CTNNA1: variants seen among roughly 807,000 people sequenced by gnomAD.
CTNNA1 encodes the protein catenin alpha-1.
A neutral mutation model predicts 98.4 loss-of-function variants in CTNNA1; 37 were observed. The observed-to-expected ratio is 0.38, with a 90% confidence interval of 0.29 to 0.49. CTNNA1 has a LOEUF of 0.49. CTNNA1 is among the 20% of genes least tolerant of loss of function. CTNNA1 has a pLI of 0.95. For missense variants in CTNNA1, 761 were observed against 1,147.2 expected (o/e 0.66, Z 4.86); for synonymous variants, 404 against 413.2 (o/e 0.98, Z 0.27).
rs756586452 is a variant in CTNNA1 at position 138,825,482 on chromosome 5, G to GTT, written c.858+698_858+699dup. On this transcript the variant is annotated intron_variant, in intron 6 of 17. Coordinates refer to ENST00000302763, the MANE Select transcript of CTNNA1 (RefSeq NM_001903.5). ...CTTCCAGTAGATGGCAGCAGTATAA[G>GTT]TTTTTTTTTTTTTTTTAGGGCTTTA... Among the ~76,000 whole-genome samples the GTT allele has an allele frequency of 5.8e-4, 43 of 74,116 alleles. 1 individual carries two copies. Among genetic ancestry groups the GTT allele is most frequent in the African/African-American group, 1.9e-3 (33 of 17,296 alleles). The allele number at this position is 74,116 out of a possible 152,430, so 48.6% of individuals were successfully genotyped here.
chr5:138,783,594 T>C (rs1162490183), intron 3 of CTNNA1, among the ~76,000 whole-genome samples: 1 of 152,242 alleles, frequency 6.6e-6, no homozygotes, highest in Non-Finnish European at 1.5e-5. Context: ...ATGTATTAAG[T>C]TGGACTGGCT....
chr5:138,897,622 A>T (rs1757167279), intron 9 of CTNNA1, among the ~76,000 whole-genome samples: 1 of 152,242 alleles, frequency 6.6e-6, no homozygotes, highest in African/African-American at 2.4e-5. Context: ...TTTTCACGAG[A>T]GAAGTTAGCT....
At chr5:138,799,857 G>GT (rs1757369461) in intron 3 of CTNNA1, among the ~76,000 whole-genome samples, 3 of 149,024 alleles carry the variant, frequency 2.0e-5, no homozygotes, top group Non-Finnish European at 4.4e-5. Flanking sequence ...AGTAGATGTA[G>GT]ATGTATGTAT....
rs768694121 is a variant in CTNNA1 at position 138,873,339 on chromosome 5, C to G, written c.1063-12873C>G. On this transcript the variant is annotated intron_variant, in intron 7 of 17. Coordinates refer to ENST00000302763, the MANE Select transcript of CTNNA1 (RefSeq NM_001903.5). This position sits in a 1 kb window ranked among gnomAD's most constrained non-coding sequence, Gnocchi z 6.1. ...TTGTCTGGTTCAGGAAAGTGTTCCTCGGTAGTAACTGCTATGCCTGCAGTA... is the reference window on the plus strand; with the variant it reads ...TTGTCTGGTTCAGGAAAGTGTTCCTGGGTAGTAACTGCTATGCCTGCAGTA... 6.2e-7 allele frequency: 1 copy of G among 1,614,028 alleles called. No individual in the cohort carries two copies. The highest frequency in any genetic ancestry group is 8.5e-7 in the Non-Finnish European group (1 of 1,179,880).
At chr5:138,805,069 G>T (rs775699091) in intron 3 of CTNNA1, among the ~76,000 whole-genome samples, 48 of 152,086 alleles carry the variant, frequency 3.2e-4, no homozygotes, top group Non-Finnish European at 4.6e-4. Flanking sequence ...AAGAGAGGGG[G>T]TGGGAGAGGT....
chr5:138,895,506 G>C (rs553353907), intron 9 of CTNNA1, among the ~76,000 whole-genome samples: 26 of 151,672 alleles, frequency 1.7e-4, no homozygotes, highest in African/African-American at 5.6e-4. Flanking sequence ...AGTTTTTTGG[G>C]GGGGGGGATG....
At chr5:138,870,168 A>G (rs1765210329) in intron 7 of CTNNA1, 1 of 152,252 alleles carries the variant, frequency 6.6e-6, no homozygotes, top group African/African-American at 2.4e-5. Flanking sequence ...AAAAGCTCTG[A>G]CACTGTGTAA....
chr5:138,911,865 T>TGGATATA (rs1760706082), intron 10 of CTNNA1, among the ~76,000 whole-genome samples: 1 of 152,068 alleles, frequency 6.6e-6, no homozygotes, highest in Admixed American at 6.6e-5. Context: ...GAAGGTGAAC[T>TGGATATA]TTACTGAAGG....
intron 7 of CTNNA1, among the ~76,000 whole-genome samples, chr5:138,855,528 C>T (rs1165833095): frequency 7.2e-5 from 11 of 152,200 alleles, no homozygotes; most frequent in Non-Finnish European, 1.5e-5. Flanking sequence ...TAAAAATTTG[C>T]ATCTAGGTGA....
chr5:138,787,809 A>G (rs1416686026), intron 3 of CTNNA1, among the ~76,000 whole-genome samples: 1 of 152,194 alleles, frequency 6.6e-6, no homozygotes, highest in Non-Finnish European at 1.5e-5. Context: ...ATGAATATGC[A>G]CATTTGTGAG....
At chr5:138,894,492 G>A (rs1756296506) in intron 9 of CTNNA1, among the ~76,000 whole-genome samples, 1 of 151,158 alleles carries the variant, frequency 6.6e-6, no homozygotes, top group African/African-American at 2.4e-5. Context: ...TGTTGTGCAG[G>A]CTGTTCTCAA....
At chr5:138,858,496 C>T (rs549076242) in intron 7 of CTNNA1, among the ~76,000 whole-genome samples, 74 of 151,562 alleles carry the variant, frequency 4.9e-4, no homozygotes, top group Admixed American at 1.0e-3. Context: ...TGGTGAATTT[C>T]GATAAAGGCA....
At chr5:138,879,623 T>TA (rs1455190744) in intron 7 of CTNNA1, among the ~76,000 whole-genome samples, 2 of 152,124 alleles carry the variant, frequency 1.3e-5, no homozygotes, top group Non-Finnish European at 2.9e-5. Flanking sequence ...CCCAGCTAAT[T>TA]AAAAAAATTT....
At chr5:138,756,409 C>T (rs1269053541) in intron 1 of CTNNA1, among the ~76,000 whole-genome samples, 1 of 152,048 alleles carries the variant, frequency 6.6e-6, no homozygotes, top group East Asian at 1.9e-4. Flanking sequence ...TCAGGTGATC[C>T]ACTCGCCTCA....
intron 1 of CTNNA1, among the ~76,000 whole-genome samples, chr5:138,763,830 G>A (rs985292553): frequency 3.9e-5 from 6 of 152,316 alleles, no homozygotes; most frequent in African/African-American, 7.2e-5. Flanking sequence ...ATTCTCTTGC[G>A]TCTGTGGACC....
intron 5 of CTNNA1, 95 bp downstream of exon 5, chr5:138,812,397 AC>A: frequency 7.4e-7 from 1 of 1,343,632 alleles, no homozygotes; most frequent in Non-Finnish European, 1.0e-6. Flanking sequence ...ACCATTACTT[AC>A]CTTCGCCAAT....
chr5:138,916,523 C>T (rs983525475), intron 10 of CTNNA1, among the ~76,000 whole-genome samples: 9 of 151,388 alleles, frequency 5.9e-5, no homozygotes, highest in Non-Finnish European at 1.2e-4. Context: ...CCACCACGCC[C>T]AGCTTGTTTG....
intron 10 of CTNNA1, among the ~76,000 whole-genome samples, chr5:138,909,891 C>T (rs1006567972): frequency 6.6e-6 from 1 of 152,142 alleles, no homozygotes; most frequent in African/African-American, 2.4e-5. Context: ...ACATACAGGA[C>T]GGGGCAGACC....
At chr5:138,819,641 A>G (rs1759813022) in intron 5 of CTNNA1, among the ~76,000 whole-genome samples, 5 of 152,094 alleles carry the variant, frequency 3.3e-5, no homozygotes, top group Admixed American at 3.3e-4. Flanking sequence ...AAGCACTTGG[A>G]TGCGTGACTG....
Sources: gnomAD v4.1 joint callset for allele counts (sites outside exome capture counted in the v4.1 genomes callset) on GRCh38, gnomAD v4.1.1 for gene constraint, Gnocchi (gnomAD v3.1) non-coding constraint, MANE v1.5 for transcripts, NCBI Gene and HGNC (gene_info 2026-07-23, HGNC 2026-07-21) for gene names.